Variants in DPYD observed in about 807,000 individuals in gnomAD.
DPYD encodes dihydropyrimidine dehydrogenase, also known as dihydropyrimidine dehydrogenase [NADP(+)].
DPYD carries 109 observed loss-of-function variants against 116.2 expected under a neutral mutation model. The observed-to-expected ratio is 0.94, with a 90% CI of 0.80 to 1.10. DPYD has a LOEUF of 1.10. Among genes scored for constraint, DPYD ranks in the 50% least tolerant of loss-of-function variants. The pLI is 0.00. For synonymous variants in DPYD, 440 were observed against 432.0 expected (o/e 1.02, Z -0.23); for missense variants, 1,302 against 1,254.5 (o/e 1.04, Z -0.57).
At chr1:97,304,907 A>G (rs2101034292) in intron 18 of DPYD, among the ~76,000 whole-genome samples, 1 of 152,042 alleles carries the variant, frequency 6.6e-6, no homozygotes, top group Non-Finnish European at 1.5e-5. Context: ...ACTAGTCCAG[A>G]CCATGAAAAA....
intron 18 of DPYD, among the ~76,000 whole-genome samples, chr1:97,281,186 G>A (rs1413721569): frequency 6.6e-6 from 1 of 151,644 alleles, no homozygotes; most frequent in Admixed American, 6.6e-5. Flanking sequence ...TAAATCAGAG[G>A]GGAGAATGAC....
chr1:97,910,304 A>C (rs1164310075), intron 1 of DPYD, among the ~76,000 whole-genome samples: 1 of 152,080 alleles, frequency 6.6e-6, no homozygotes, highest in Non-Finnish European at 1.5e-5. Flanking sequence ...CATTAGGAAA[A>C]AATTAATATT....
intron 8 of DPYD, among the ~76,000 whole-genome samples, chr1:97,636,206 C>T (rs1364555554): frequency 6.6e-6 from 1 of 152,064 alleles, no homozygotes; most frequent in Non-Finnish European, 1.5e-5. Context: ...ATCTCTCACT[C>T]CAAGCATATA....
intron 18 of DPYD, among the ~76,000 whole-genome samples, chr1:97,256,132 C>T (rs1448949263): frequency 2.3e-4 from 35 of 152,038 alleles, no homozygotes; most frequent in Admixed American, 6.6e-5. Flanking sequence ...GAAGTGGGAA[C>T]GTCTGACAGT....
intron 14 of DPYD, among the ~76,000 whole-genome samples, chr1:97,401,726 G>A (rs1673388601): frequency 1.3e-5 from 2 of 152,038 alleles, no homozygotes; most frequent in South Asian, 4.1e-4. Flanking sequence ...GATCATCTAG[G>A]TTTTCTTCTG....
At chr1:97,232,584 C>T (rs1557958769) in intron 19 of DPYD, among the ~76,000 whole-genome samples, 2 of 151,702 alleles carry the variant, frequency 1.3e-5, no homozygotes, top group Non-Finnish European at 2.9e-5. Context: ...TCATTCTTTT[C>T]TTCAGTCTTT....
intron 12 of DPYD, among the ~76,000 whole-genome samples, chr1:97,539,160 G>A (rs1183587140): frequency 6.6e-6 from 1 of 152,048 alleles, no homozygotes; most frequent in Non-Finnish European, 1.5e-5. Flanking sequence ...AATGCTGGCT[G>A]CTAATAAACA....
chr1:97,477,503 ATTAATTG>A, intron 13 of DPYD, among the ~76,000 whole-genome samples: 1 of 151,774 alleles, frequency 6.6e-6, no homozygotes, highest in Non-Finnish European at 1.5e-5. Context: ...CTGTAGGGTT[ATTAATTG>A]GCCTAATTTC....
chr1:97,157,455 C>T (rs548161287), intron 20 of DPYD, among the ~76,000 whole-genome samples: 12 of 151,854 alleles, frequency 7.9e-5, no homozygotes, highest in Non-Finnish European at 1.6e-4. Flanking sequence ...GGATTTTATT[C>T]CTCAAATAAG....
rs72979772 is a variant in DPYD at position 97,875,709 on chromosome 1, G to A, written c.150+7555C>T. 9.4e-3 allele frequency among the ~76,000 whole-genome samples: 1,419 copies of A among 151,624 alleles called. 30 individuals are homozygous for A. The highest frequency in any genetic ancestry group is 0.032 in the African/African-American group (1,319 of 41,358). On this transcript the variant is annotated intron_variant, in intron 2 of 22. Transcript: ENST00000370192. ...TTCCCTCTGCTGAAATTTTAAGCTC[G>A]CATTTTCTTTAAAGTGTTATTTTCT...
intron 20 of DPYD, among the ~76,000 whole-genome samples, chr1:97,151,099 T>C (rs1264874605): frequency 2.0e-5 from 3 of 152,196 alleles, no homozygotes; most frequent in Non-Finnish European, 4.4e-5. Context: ...AATCCAGCTA[T>C]CTTATGTTCA....
intron 18 of DPYD, among the ~76,000 whole-genome samples, chr1:97,237,114 G>A (rs1033001085): frequency 2.6e-5 from 4 of 151,656 alleles, no homozygotes; most frequent in African/African-American, 4.8e-5. Context: ...GGTGGCGGGC[G>A]CCTGTAATCC....
intron 3 of DPYD, among the ~76,000 whole-genome samples, chr1:97,820,339 A>C (rs1668858100): frequency 6.6e-6 from 1 of 152,138 alleles, no homozygotes; most frequent in South Asian, 2.1e-4. Context: ...CCTCTTTTAA[A>C]TGTCTTGGTA....
intron 19 of DPYD, among the ~76,000 whole-genome samples, chr1:97,227,042 A>T (rs1661216250): frequency 6.6e-6 from 1 of 152,094 alleles, no homozygotes; most frequent in Admixed American, 6.6e-5. Context: ...AAAAGCAATA[A>T]TTGGGCTGGG....
chr1:97,274,136 T>A (rs1664771370), intron 18 of DPYD, among the ~76,000 whole-genome samples: 1 of 152,194 alleles, frequency 6.6e-6, no homozygotes, highest in African/African-American at 2.4e-5. Context: ...AAAATAAATA[T>A]GAATTTGGAT....
chr1:97,198,282 CA>C (rs1214187085), intron 19 of DPYD, among the ~76,000 whole-genome samples: 5 of 150,600 alleles, frequency 3.3e-5, no homozygotes, highest in Admixed American at 6.6e-5. Flanking sequence ...ATGCTGACTG[CA>C]AAAAAAAATT....
At chr1:97,181,225 C>T (rs1176378470) in intron 20 of DPYD, among the ~76,000 whole-genome samples, 1 of 152,138 alleles carries the variant, frequency 6.6e-6, no homozygotes, top group East Asian at 1.9e-4. Flanking sequence ...AATGAACCAA[C>T]TTACCTCTGG....
At chr1:97,446,686 G>A (rs1217402882) in intron 14 of DPYD, among the ~76,000 whole-genome samples, 34 of 152,038 alleles carry the variant, frequency 2.2e-4, no homozygotes, top group Non-Finnish European at 7.4e-5. Context: ...AAAAATTTCA[G>A]TCTTTGCTTC....
intron 1 of DPYD, among the ~76,000 whole-genome samples, chr1:97,919,433 G>A (rs1674386343): frequency 1.3e-5 from 2 of 152,090 alleles, no homozygotes; most frequent in Non-Finnish European, 2.9e-5. Context: ...AACTGATTTC[G>A]AAGACAACTG....
Sources: allele counts gnomAD v4.1 joint callset (sites outside exome capture counted in the v4.1 genomes callset), GRCh38; gene constraint gnomAD v4.1.1; transcripts MANE v1.5; gene names NCBI Gene and HGNC (gene_info 2026-07-23, HGNC 2026-07-21).